The following XG variants were observed in gnomAD, a reference collection of about 807,000 sequenced individuals.
The protein encoded by XG is Xg glycoprotein (Xg blood group).
XG carries 24 observed loss-of-function variants against 25.7 expected under a neutral mutation model. The observed-to-expected ratio is 0.93, with a 90% CI of 0.68 to 1.31. The LOEUF is 1.31. Ranked by LOEUF, XG falls within the 40% of genes most tolerant of loss-of-function variation. The pLI is 0.00. For synonymous variants in XG, 77 were observed against 69.2 expected, an observed-to-expected ratio of 1.11 and a Z score of -0.56; for missense variants, 181 against 187.6, an observed-to-expected ratio of 0.96 and a Z score of 0.21.
At chrX:2,775,466 G>A (rs984587365) in intron 3 of XG, among the ~76,000 whole-genome samples, 2 of 152,280 alleles carry the variant, frequency 1.3e-5, no homozygotes, top group African/African-American at 4.8e-5. Context: ...GACTGCCAGG[G>A]GCTGGAGGGG....
chrX:2,803,466 C>T (rs962358003), intron 7 of XG, among the ~76,000 whole-genome samples: 8 of 111,247 alleles, frequency 7.2e-5, no homozygotes, highest in African/African-American at 2.3e-4. Flanking sequence ...CAGCTGTGCC[C>T]GAGACCAGAG....
chrX:2,760,044 G>A (rs191374681), intron 1 of XG, among the ~76,000 whole-genome samples: 99 of 152,252 alleles, frequency 6.5e-4, no homozygotes, highest in African/African-American at 2.3e-3. Flanking sequence ...CCAGCTACTC[G>A]GGAGGCTGAG....
chrX:2,803,885 C>T (rs1030887999), intron 7 of XG, among the ~76,000 whole-genome samples: 1 of 111,092 alleles, frequency 9.0e-6, no homozygotes, highest in African/African-American at 3.3e-5. Context: ...CTCTGTTGCC[C>T]AGGCTTGAGT....
At chrX:2,799,716 G>A (rs1212653876) in intron 7 of XG, among the ~76,000 whole-genome samples, 1 of 111,440 alleles carries the variant, frequency 9.0e-6, no homozygotes, top group Non-Finnish European at 1.9e-5. Context: ...GAGACGTGTA[G>A]CTTTTCATCT....
intron 3 of XG, among the ~76,000 whole-genome samples, chrX:2,777,987 T>A (rs2051038377): frequency 1.3e-5 from 2 of 151,990 alleles, no homozygotes; most frequent in Admixed American, 1.3e-4. Flanking sequence ...GGAAAAAAAA[T>A]GCGCAAAGCA....
chrX:2,787,090 G>C lies in XG; in HGVS notation c.191-2554G>C, dbSNP rs542555004. 5.8e-5 allele frequency among the ~76,000 whole-genome samples: 4 copies of C among 68,663 alleles called. No homozygotes were observed. The South Asian group carries it at 2.8e-3, about 47-fold the overall frequency. 59.6% of individuals were successfully genotyped at this position (68,663 alleles called of 115,157 possible). A position where few individuals can be genotyped will look rare whatever the true frequency, so the allele number is the denominator to read the frequency against. Reference sequence around the variant, plus strand: ...AGGACACAGGGAGAAGATGGCATCTGCAAGCCCAGGAGAGAGGCCTCAGGA... The same window carrying C: ...AGGACACAGGGAGAAGATGGCATCTCCAAGCCCAGGAGAGAGGCCTCAGGA... On this transcript the variant is annotated intron_variant, in intron 4 of 10. Transcript: ENST00000644266.
At chrX:2,793,551 T>C (rs1016127761) in intron 5 of XG, among the ~76,000 whole-genome samples, 1 of 112,299 alleles carries the variant, frequency 8.9e-6, no homozygotes, top group African/African-American at 3.2e-5. Flanking sequence ...GCGTGGATTC[T>C]CAGGGCTCTG....
chrX:2,800,749 A>C (rs970913945), intron 7 of XG, among the ~76,000 whole-genome samples: 20 of 111,665 alleles, frequency 1.8e-4, no homozygotes, highest in African/African-American at 6.5e-4. Flanking sequence ...GCACTTTAGG[A>C]GGCCAAGGTG....
intron 1 of XG, among the ~76,000 whole-genome samples, chrX:2,770,021 G>C (rs1033974345): frequency 1.4e-5 from 2 of 145,384 alleles, no homozygotes; most frequent in South Asian, 2.3e-4. Flanking sequence ...GTGTGTGGAG[G>C]GGTGGGGGGG....
intron 1 of XG, among the ~76,000 whole-genome samples, chrX:2,767,293 C>G (rs1460316618): frequency 1.3e-4 from 20 of 152,074 alleles, no homozygotes; most frequent in African/African-American, 4.8e-4. Context: ...CGAAGGGTCC[C>G]GAGCACAGCT....
chrX:2,801,957 T>A (rs1261087863), intron 7 of XG, among the ~76,000 whole-genome samples: 1 of 111,267 alleles, frequency 9.0e-6, no homozygotes, highest in Non-Finnish European at 1.9e-5. Context: ...TCCGCCCGCC[T>A]CGGCCTCCCA....
At chrX:2,793,453 A>G (rs1419758777) in intron 5 of XG, among the ~76,000 whole-genome samples, 3 of 111,971 alleles carry the variant, frequency 2.7e-5, no homozygotes, top group Non-Finnish European at 5.6e-5. Flanking sequence ...AGGTGAACGC[A>G]GCAGTCGGAA....
At chrX:2,785,044 C>T (rs1290760147) in intron 4 of XG, among the ~76,000 whole-genome samples, 1 of 111,994 alleles carries the variant, frequency 8.9e-6, no homozygotes, top group Non-Finnish European at 1.9e-5. Flanking sequence ...CAGGAGATAT[C>T]AATCAATATG....
chrX:2,768,287 A>G (rs1486206033), intron 1 of XG, among the ~76,000 whole-genome samples: 4 of 152,204 alleles, frequency 2.6e-5, no homozygotes, highest in Admixed American at 6.5e-5. Context: ...GTCAACGGCG[A>G]ACACAGATTG....
At chrX:2,795,964 T>G (rs1012398401) in intron 6 of XG, among the ~76,000 whole-genome samples, 1 of 110,785 alleles carries the variant, frequency 9.0e-6, no homozygotes, top group African/African-American at 3.3e-5. Context: ...TCTATATGTA[T>G]ATCTTCTAAT....
chrX:2,763,166 A>G (rs2050602589), intron 1 of XG, among the ~76,000 whole-genome samples: 1 of 133,338 alleles, frequency 7.5e-6, no homozygotes, highest in Non-Finnish European at 1.7e-5. Flanking sequence ...ACAGGTGCAC[A>G]CCACCACGCC....
At chrX:2,759,975 G>T (rs1205256685) in intron 1 of XG, among the ~76,000 whole-genome samples, 1 of 152,202 alleles carries the variant, frequency 6.6e-6, no homozygotes, top group Non-Finnish European at 1.5e-5. Flanking sequence ...GGCTGATCTG[G>T]AATCTGCATG....
chrX:2,795,620 A>G (rs1214579051), intron 6 of XG, among the ~76,000 whole-genome samples: 1 of 110,596 alleles, frequency 9.0e-6, no homozygotes, highest in African/African-American at 3.3e-5. Context: ...TTATATAGGT[A>G]TATAAATGTC....
chrX:2,781,120 A>T (rs2051110198), intron 3 of XG, among the ~76,000 whole-genome samples: 1 of 151,896 alleles, frequency 6.6e-6, no homozygotes, highest in African/African-American at 2.4e-5. Context: ...GTATTGACTG[A>T]GTGGTTAAAT....
Sources: allele counts gnomAD v4.1 joint callset (sites outside exome capture counted in the v4.1 genomes callset), GRCh38; gene constraint gnomAD v4.1.1; transcripts MANE v1.5; gene names NCBI Gene and HGNC (gene_info 2026-07-23, HGNC 2026-07-21).